The following P4HA2 variants were observed in gnomAD, a reference collection of about 807,000 sequenced individuals.
P4HA2 encodes the protein prolyl 4-hydroxylase subunit alpha-2.
Under a neutral mutation model 76.9 loss-of-function variants are expected in P4HA2, and 46 were observed. The ratio of observed to expected loss-of-function variants is 0.60; its 90% CI spans 0.47 to 0.76. The LOEUF is 0.76. Ranked by LOEUF, P4HA2 falls within the 30% of genes least tolerant of loss-of-function variation. P4HA2 has a pLI of 0.00. For synonymous variants in P4HA2, 243 were observed against 254.0 expected (o/e 0.96, Z 0.41); for missense variants, 583 against 669.4 (o/e 0.87, Z 1.42).
At position 132,193,095 on chromosome 5, in the gene P4HA2, C is replaced by A; in HGVS notation, c.1532-15G>T. ...CTTATTGGAGACTGTGAAAAGAAAGCAAGCATGTTACAATCCTATTGGTCA... is the reference window on the plus strand; with the variant it reads ...CTTATTGGAGACTGTGAAAAGAAAGAAAGCATGTTACAATCCTATTGGTCA... On this transcript the variant is annotated splice_polypyrimidine_tract_variant and intron_variant, in intron 14 of 14. Transcript: ENST00000360568. The A allele has an allele frequency of 6.3e-7, 1 of 1,599,590 alleles. No homozygotes were observed.
At chr5:132,213,120 C>T (rs566281429) in intron 5 of P4HA2, among the ~76,000 whole-genome samples, 1 of 152,306 alleles carries the variant, frequency 6.6e-6, no homozygotes, top group East Asian at 1.9e-4. Flanking sequence ...AAGCAGATAT[C>T]AGTATGCCAG....
intron 3 of P4HA2, 27 bp from the exon 4 acceptor site, chr5:132,217,375 T>G: frequency 6.2e-7 from 1 of 1,612,592 alleles, no homozygotes; most frequent in Non-Finnish European, 8.5e-7. Flanking sequence ...AAAGGAAGAC[T>G]AATGCGTCCA....
chr5:132,193,076 G>C lies in P4HA2; in HGVS notation c.1536C>G (p.Ser512=). The part of the protein sequence containing the change: ...CPVLVGCKWV[S]NKWFHERGQE... ...GTCCTCGTTCATGGAACCACTTATT[G>C]GAGACTGTGAAAAGAAAGCAAGCAT... Residue 512 remains serine, a synonymous_variant, in exon 15 of 15, where the codon TCC becomes TCG. Transcript: ENST00000360568. The C allele has an allele frequency of 6.2e-7, 1 of 1,610,916 alleles. No homozygotes were observed. The highest frequency in any genetic ancestry group is 1.1e-5 in the South Asian group (1 of 91,004).
intron 11 of P4HA2, 89 bp from the exon 12 acceptor site, chr5:132,198,469 A>T: frequency 8.3e-7 from 1 of 1,205,320 alleles, no homozygotes; most frequent in African/African-American, 1.5e-5. Flanking sequence ...GGGAAAAGTA[A>T]TAAGTGTGTG....
intron 1 of P4HA2, among the ~76,000 whole-genome samples, chr5:132,222,741 T>C (rs920547320): frequency 6.6e-6 from 1 of 152,264 alleles, no homozygotes; most frequent in African/African-American, 2.4e-5. Flanking sequence ...TGTTTATCTG[T>C]ATCTATCCAC....
chr5:132,192,138 G>A lies in P4HA2; in HGVS notation c.*872C>T, dbSNP rs1749973354. On this transcript the variant is annotated 3_prime_UTR_variant, in exon 15 of 15. Transcript: ENST00000360568. ...AAGGAATGAGTACCACACATCATGA[G>A]ACAATGATTTATCTCCAAAGTGCTG... 6.6e-6 allele frequency: 1 copy of A among 152,204 alleles called. No homozygotes were observed. Among genetic ancestry groups the A allele is most frequent in the South Asian group, 2.1e-4 (1 of 4,832 alleles). The allele number at this position is 152,204 out of a possible 1,614,324, so 9.4% of individuals were successfully genotyped here.
Position 132,207,730 on chromosome 5 carries a change from A to T in P4HA2, c.1058T>A (p.Ile353Asn). 1 of 1,613,846 alleles carries T rather than the reference A, an allele frequency of 6.2e-7. No individual in the cohort carries two copies. Among genetic ancestry groups the T allele is most frequent in the Non-Finnish European group, 8.5e-7 (1 of 1,179,880 alleles). ...TACTTTAGGTTTTGCGATCTCCTTGATCCTCTCGATTTCCTCATCAGACAT... is the reference window on the plus strand; with the variant it reads ...TACTTTAGGTTTTGCGATCTCCTTGTTCCTCTCGATTTCCTCATCAGACAT... ...DVMSDEEIER[I>N]KEIAKPKLAR... The change falls in exon 8 of 15, where the codon ATC becomes AAC. Residue 353 changes from isoleucine (I) to asparagine (N), a missense_variant. By Grantham distance (149) the Ile-to-Asn change is moderately radical (BLOSUM62 -3). Coordinates refer to ENST00000360568, the MANE Select transcript of P4HA2 (RefSeq NM_001017974.2).
chr5:132,220,317 G>C (rs1754495383), intron 1 of P4HA2, among the ~76,000 whole-genome samples: 2 of 152,336 alleles, frequency 1.3e-5, no homozygotes, highest in African/African-American at 4.8e-5. Flanking sequence ...TTCCTCAAAA[G>C]GCTTGACTGG....
In P4HA2 at chr5:132,193,745, CCAG is replaced by C. The variant is rs1750183039; in HGVS notation, c.1532-668_1532-666del. Among the ~76,000 whole-genome samples, 4 of 152,236 alleles carry C rather than the reference CCAG, an allele frequency of 2.6e-5. No homozygotes were observed. In the East Asian group the frequency reaches 7.7e-4, roughly 29 times the overall value. The stretch of plus-strand genomic sequence containing the variant: ...GGGCACAAGAGCAACAGAGCTGCTG[CCAG>C]CACTATCACCCCACGCCATATCTTC... On this transcript the variant is annotated intron_variant, in intron 14 of 14. Transcript: ENST00000360568.
chr5:132,217,061 T>G, intron 4 of P4HA2, 136 bp downstream of exon 4: 2 of 708,010 alleles, frequency 2.8e-6, no homozygotes, highest in Non-Finnish European at 4.5e-6. Flanking sequence ...GAGAGAGCCA[T>G]GAGACCAGCA....
At chr5:132,210,944 A>G (rs1190225482) in intron 5 of P4HA2, among the ~76,000 whole-genome samples, 1 of 152,234 alleles carries the variant, frequency 6.6e-6, no homozygotes, top group Non-Finnish European at 1.5e-5. Context: ...CAACCAAGCC[A>G]TGGGTGAGGA....
At chr5:132,218,059 A>G in intron 2 of P4HA2, 1 of 505,708 alleles carries the variant, frequency 2.0e-6, no homozygotes. Context: ...CAGAGGCACC[A>G]AGGGGATGTT....
In P4HA2 at chr5:132,190,234, AG is replaced by A. The variant is rs533436576; in HGVS notation, c.*2775del. Among the ~76,000 whole-genome samples the A allele has an allele frequency of 1.5e-4, 23 of 152,376 alleles. No homozygotes were observed. The East Asian group carries it at 4.2e-3, about 28-fold the overall frequency. On this transcript the variant is annotated 3_prime_UTR_variant, in exon 15 of 15. Coordinates refer to ENST00000360568, the MANE Select transcript of P4HA2 (RefSeq NM_001017974.2). ...ATCCAAAAAAGTCTCAAACAGGAAA[AG>A]AAAAAACCTACAAACAAACCACCTA...
rs958417950 is a variant in P4HA2, at chr5:132,210,373, G to A, written c.620C>T (p.Ser207Leu). Residue 207 changes from serine to leucine, a missense_variant, in exon 6 of 15, where the codon TCA becomes TTA. Transcript: ENST00000360568. ...ATAGCTGAGGTAGTCCAGCACCTGT[G>A]ACTTGGTTGTGGTGGCCTCCTCCCC... is the stretch of plus-strand genomic sequence containing the variant. ...DAGEEATTTK[S>L]QVLDYLSYAV... is the part of the protein sequence containing the mutation. 3 of 1,613,998 alleles carry A rather than the reference G, an allele frequency of 1.9e-6. No homozygotes were observed. The highest frequency in any genetic ancestry group is 1.3e-5 in the African/African-American group (1 of 74,912).
chr5:132,212,838 G>C (rs901361705), intron 5 of P4HA2, among the ~76,000 whole-genome samples: 1 of 152,188 alleles, frequency 6.6e-6, no homozygotes, highest in African/African-American at 2.4e-5. Flanking sequence ...CAACGCCAGG[G>C]TATGGTTCCC....
intron 2 of P4HA2, 154 bp from the exon 3 acceptor site, chr5:132,218,002 C>A: frequency 1.8e-6 from 1 of 554,998 alleles, no homozygotes; most frequent in Non-Finnish European, 3.2e-6. Flanking sequence ...TTAAAGGGGG[C>A]CTAGGCACTC....
intron 1 of P4HA2, among the ~76,000 whole-genome samples, chr5:132,220,972 G>T (rs1754580297): frequency 6.6e-6 from 1 of 152,200 alleles, no homozygotes; most frequent in African/African-American, 2.4e-5. Context: ...ATCTCTGGCA[G>T]GGGTACTCTG....
At position 132,198,436 on chromosome 5, in the gene P4HA2, C is replaced by T. The variant is rs138193437; in HGVS notation, c.1306-56G>A. 43 of 1,517,948 alleles carry T rather than the reference C, an allele frequency of 2.8e-5. No individual in the cohort carries two copies. In the East Asian group the frequency reaches 5.2e-4, roughly 18 times the overall value. The allele number at this position is 1,517,948 out of a possible 1,614,324, so 94.0% of individuals were successfully genotyped here. On this transcript the variant is annotated intron_variant, in intron 11 of 14. Coordinates refer to ENST00000360568, the MANE Select transcript of P4HA2 (RefSeq NM_001017974.2). ...TACAACAGGCTTCATCCACCACCCA[C>T]AAGACTAGGACCAAAAGGGTCAGGG... is the stretch of plus-strand genomic sequence containing the variant.
At position 132,213,902 on chromosome 5, in the gene P4HA2, G is replaced by A. The variant is rs72793275; in HGVS notation, c.469+14C>T. ...ACACATGCGGGACAGGCAACGCCTG[G>A]AGTGGTGAGTTACCTGGAAGTTCCC... On this transcript the variant is annotated intron_variant, in intron 5 of 14. Coordinates refer to ENST00000360568, the MANE Select transcript of P4HA2 (RefSeq NM_001017974.2). 40 of 1,613,402 alleles carry A rather than the reference G, an allele frequency of 2.5e-5. No homozygotes were observed. The highest frequency in any genetic ancestry group is 3.3e-5 in the Admixed American group (2 of 59,986).
Sources: allele counts gnomAD v4.1 joint callset (sites outside exome capture counted in the v4.1 genomes callset), GRCh38; gene constraint gnomAD v4.1.1; transcripts MANE v1.5; gene names NCBI Gene and HGNC (gene_info 2026-07-23, HGNC 2026-07-21).